The following CLIP1 variants were observed in gnomAD, a reference collection of about 807,000 sequenced individuals.
The protein encoded by CLIP1 is CAP-Gly domain containing linker protein 1.
Under a neutral mutation model 161.6 loss-of-function variants are expected in CLIP1, and 66 were observed. That is an observed-to-expected ratio of 0.41 (90% CI 0.33 to 0.50). CLIP1 has a LOEUF of 0.50. Among genes scored for constraint, CLIP1 ranks in the 20% least tolerant of loss-of-function variants. The pLI is 0.27. For synonymous variants in CLIP1, 598 were observed against 626.2 expected (o/e 0.96, Z 0.67); for missense variants, 1,376 against 1,702.0 (o/e 0.81, Z 3.37).
intron 1 of CLIP1, among the ~76,000 whole-genome samples, chr12:122,414,337 C>T (rs975126484): frequency 4.0e-5 from 6 of 151,538 alleles, no homozygotes; most frequent in South Asian, 4.2e-4. Context: ...TTTGTAGAGA[C>T]GGAAGTCTCA....
At chr12:122,292,638 G>A (rs995962327) in intron 20 of CLIP1, among the ~76,000 whole-genome samples, 3 of 152,122 alleles carry the variant, frequency 2.0e-5, no homozygotes, top group Non-Finnish European at 1.5e-5. Flanking sequence ...ACTGGGTTTT[G>A]TTACTTCTAA....
At chr12:122,396,933 ATTTTT>A (rs34381270) in intron 1 of CLIP1, among the ~76,000 whole-genome samples, 10 of 75,062 alleles carry the variant, frequency 1.3e-4, no homozygotes, top group Admixed American at 2.1e-4. Context: ...CACCCGGCAA[ATTTTT>A]TTTTTTTTTT....
chr12:122,328,576 TTTTG>T, intron 15 of CLIP1, 150 bp from the exon 16 acceptor site: 1 of 370,792 alleles, frequency 2.7e-6, no homozygotes, highest in Non-Finnish European at 4.3e-6. Context: ...TTTTGTTTTG[TTTTG>T]TTTTGTTTTG....
At chr12:122,316,250 ACCC>A (rs1248684069) in intron 19 of CLIP1, among the ~76,000 whole-genome samples, 2 of 150,902 alleles carry the variant, frequency 1.3e-5, no homozygotes, top group African/African-American at 4.9e-5. Context: ...TCACTCTGTC[ACCC>A]AGGCTGGAGT....
At position 122,419,250 on chromosome 12, in the gene CLIP1, G is replaced by A. The variant is rs555991911; in HGVS notation, c.-107+3271C>T. ...GCCAGGCATGTGACAGATTCCTGTT[G>A]TCCCAGCTACTTGGGAGGCTGAGGT... On this transcript the variant is annotated intron_variant, in intron 1 of 25. Coordinates refer to ENST00000620786, the MANE Select transcript of CLIP1 (RefSeq NM_001247997.2). 2.0e-5 allele frequency among the ~76,000 whole-genome samples: 3 copies of A among 151,808 alleles called. No homozygotes were observed. In the South Asian group the frequency reaches 6.3e-4, roughly 32 times the overall value.
At chr12:122,329,634 A>G (rs1404318942) in intron 15 of CLIP1, among the ~76,000 whole-genome samples, 1 of 150,624 alleles carries the variant, frequency 6.6e-6, no homozygotes, top group Non-Finnish European at 1.5e-5. Context: ...TGTCTCAAAA[A>G]AAAAAATTAA....
chr12:122,330,189 A>G (rs1302353402), intron 15 of CLIP1, among the ~76,000 whole-genome samples: 1 of 152,170 alleles, frequency 6.6e-6, no homozygotes, highest in Non-Finnish European at 1.5e-5. Context: ...TCACAGATGC[A>G]AGAGGGAAAC....
At chr12:122,285,602 G>A (rs1243713783) in intron 21 of CLIP1, among the ~76,000 whole-genome samples, 1 of 150,964 alleles carries the variant, frequency 6.6e-6, no homozygotes, top group East Asian at 2.0e-4. Context: ...GCCTCCCAAA[G>A]TGCTGGGATT....
chr12:122,370,053 C>T (rs77333689), intron 3 of CLIP1, among the ~76,000 whole-genome samples: 1 of 151,806 alleles, frequency 6.6e-6, no homozygotes, highest in African/African-American at 2.4e-5. Context: ...GTCCCAGCTA[C>T]TCAGGAGGCT....
At chr12:122,292,343 T>C (rs185679169) in intron 20 of CLIP1, among the ~76,000 whole-genome samples, 186 of 152,264 alleles carry the variant, frequency 1.2e-3, no homozygotes, top group African/African-American at 4.2e-3. Flanking sequence ...CATGGTTTCC[T>C]GTTATTCAGT....
rs139321433 is a variant in CLIP1, at chr12:122,341,311, G to T, written c.1893C>A (p.Ile631=). ...CTTCCATCGCCTGCTGGTGGGATGC[G>T]ATGGCAGTCTCCAGTTTGGACTTCC... is the stretch of plus-strand genomic sequence containing the variant. ...ALWKSKLETA[I]ASHQQAMEEL... Residue 631 remains isoleucine (I), a synonymous_variant, in exon 11 of 26, where the codon ATC becomes ATA. Transcript: ENST00000620786. The T allele has an allele frequency of 2.1e-5, 34 of 1,613,888 alleles. No individual in the cohort carries two copies. The South Asian group carries it at 2.9e-4, about 14-fold the overall frequency.
rs556689910 is a variant in CLIP1 at position 122,357,848 on chromosome 12, C to T, written c.1006-2536G>A. Among the ~76,000 whole-genome samples, 12 of 151,428 alleles carry T rather than the reference C, an allele frequency of 7.9e-5. No homozygotes were observed. The South Asian group carries it at 2.5e-3, about 31-fold the overall frequency. Reference sequence around the variant, plus strand: ...CAGCCCCCCGCCCGGCCAGCCGCCCCGCCTGGGAGGTGAGGGGCGCCTCTG... The same window carrying T: ...CAGCCCCCCGCCCGGCCAGCCGCCCTGCCTGGGAGGTGAGGGGCGCCTCTG... On this transcript the variant is annotated intron_variant, in intron 5 of 25. Transcript: ENST00000620786.
Position 122,341,042 on chromosome 12 carries a change from TCTG to T in CLIP1, c.2159_2161del (p.Ala720del), listed in dbSNP as rs774720519. The T allele has an allele frequency of 4.3e-6, 7 of 1,614,102 alleles. No homozygotes were observed. In the East Asian group the frequency reaches 1.3e-4, roughly 31 times the overall value. ...TTCCATTTCTACGAGATGCTGGTCT[TCTG>T]CTTTGTCCAGTTTCGACCTGATGGC... On this transcript the variant is annotated inframe_deletion, in exon 11 of 26. Transcript: ENST00000620786.
At chr12:122,379,562 A>C (rs992501936) in intron 2 of CLIP1, among the ~76,000 whole-genome samples, 1 of 150,710 alleles carries the variant, frequency 6.6e-6, no homozygotes, top group Non-Finnish European at 1.5e-5. Context: ...GACAGAGTGA[A>C]ACCTTGTCTC....
At chr12:122,280,264 GGGTT>G (rs1052677467) in intron 21 of CLIP1, 1 of 152,028 alleles carries the variant, frequency 6.6e-6, no homozygotes, top group African/African-American at 2.4e-5. Flanking sequence ...AGTAGAGATG[GGGTT>G]TCACCATGTT....
At chr12:122,329,654 TTAAA>T (rs147323453) in intron 15 of CLIP1, among the ~76,000 whole-genome samples, 11,104 of 150,616 alleles carry the variant, frequency 0.074, 1,305 homozygotes, top group African/African-American at 0.26. Context: ...ATTAATTAAC[TTAAA>T]TAAATAAATA....
At chr12:122,382,298 T>G (rs11057819) in intron 1 of CLIP1, among the ~76,000 whole-genome samples, 1 of 149,870 alleles carries the variant, frequency 6.7e-6, no homozygotes, top group African/African-American at 2.5e-5. Context: ...GAGGCAGAGG[T>G]TGTAGTGAGC....
chr12:122,324,957 T>G (rs1250425604), intron 17 of CLIP1, among the ~76,000 whole-genome samples: 3 of 151,738 alleles, frequency 2.0e-5, no homozygotes, highest in Non-Finnish European at 4.4e-5. Flanking sequence ...CTTTGCTGAC[T>G]AAAAGGAATA....
At chr12:122,331,559 C>A (rs998374177) in intron 15 of CLIP1, among the ~76,000 whole-genome samples, 39 of 151,628 alleles carry the variant, frequency 2.6e-4, no homozygotes, top group African/African-American at 9.2e-4. Flanking sequence ...AGGCGATCTG[C>A]CCGCCTCAGC....
Sources: allele counts gnomAD v4.1 joint callset (sites outside exome capture counted in the v4.1 genomes callset), GRCh38; gene constraint gnomAD v4.1.1; transcripts MANE v1.5; gene names NCBI Gene and HGNC (gene_info 2026-07-23, HGNC 2026-07-21).